MTHFS: variants seen among roughly 807,000 people sequenced by gnomAD.
The protein encoded by MTHFS is methenyltetrahydrofolate synthetase.
MTHFS carries 7 observed loss-of-function variants against 12.7 expected under a neutral mutation model. The ratio of observed to expected loss-of-function variants is 0.55; its 90% confidence interval spans 0.31 to 1.03. The LOEUF (loss-of-function observed/expected upper bound fraction) is 1.03, where lower values mean the gene tolerates loss of function less well. MTHFS is among the 50% of genes least tolerant of loss of function. The pLI is 0.05. For missense variants in MTHFS, 252 were observed against 258.1 expected (o/e 0.98, Z 0.16); for synonymous variants, 100 against 97.1 (o/e 1.03, Z -0.18).
chr15:79,852,450 A>C (rs1417444915), intron 2 of MTHFS, among the ~76,000 whole-genome samples: 1 of 152,234 alleles, frequency 6.6e-6, no homozygotes, highest in Non-Finnish European at 1.5e-5. Flanking sequence ...CTATTATTAT[A>C]GACTGTTAAT....
chr15:79,858,961 T>C (rs986958191), intron 2 of MTHFS, among the ~76,000 whole-genome samples: 1 of 152,214 alleles, frequency 6.6e-6, no homozygotes, highest in African/African-American at 2.4e-5. Flanking sequence ...AAATTTCTAT[T>C]TGTAAGAACA....
At chr15:79,854,050 G>A (rs2033759215) in intron 2 of MTHFS, among the ~76,000 whole-genome samples, 1 of 152,168 alleles carries the variant, frequency 6.6e-6, no homozygotes, top group Non-Finnish European at 1.5e-5. Flanking sequence ...TGGTAGTGTA[G>A]CTCTAGTGAA....
At chr15:79,848,361 G>C (rs897341740) in intron 2 of MTHFS, among the ~76,000 whole-genome samples, 2 of 152,180 alleles carry the variant, frequency 1.3e-5, no homozygotes, top group African/African-American at 4.8e-5. Flanking sequence ...GAGACAGAGA[G>C]TTGCCATTCA....
chr15:79,864,566 A>C (rs2033976737), intron 2 of MTHFS, among the ~76,000 whole-genome samples: 1 of 131,032 alleles, frequency 7.6e-6, no homozygotes, highest in Admixed American at 8.2e-5. Flanking sequence ...AAAAAAAAAA[A>C]AAAAAAAAAA....
intron 1 of MTHFS, 37 bp from the exon 2 acceptor site, chr15:79,889,391 C>A: frequency 6.6e-7 from 1 of 1,520,654 alleles, no homozygotes; most frequent in Non-Finnish European, 8.9e-7. Context: ...TTTTCCAAGA[C>A]TATATTTAGC....
At chr15:79,889,008 C>A in intron 2 of MTHFS, 85 bp downstream of exon 2, 1 of 1,528,276 alleles carries the variant, frequency 6.5e-7, no homozygotes, top group Middle Eastern at 1.8e-4. Flanking sequence ...GGAAAAGCAA[C>A]TCCCACTGAC....
intron 1 of MTHFS, 145 bp downstream of exon 1, chr15:79,896,727 C>A (rs2034579458): frequency 2.1e-6 from 2 of 936,224 alleles, no homozygotes; most frequent in African/African-American, 6.0e-5. Flanking sequence ...CGTGCGCGCG[C>A]CGGGAGGGGA....
intron 1 of MTHFS, among the ~76,000 whole-genome samples, chr15:79,890,905 T>A (rs539139722): frequency 2.6e-5 from 4 of 152,316 alleles, no homozygotes; most frequent in African/African-American, 7.2e-5. Context: ...ATGAGAAAGT[T>A]AAGTATCCTT....
At chr15:79,864,547 CAAAAAAA>C (rs58698908) in intron 2 of MTHFS, among the ~76,000 whole-genome samples, 4 of 64,514 alleles carry the variant, frequency 6.2e-5, no homozygotes, top group African/African-American at 1.5e-4. Context: ...TCCATCTCAA[CAAAAAAA>C]AAAAAAAAAA....
At chr15:79,890,194 GCTCT>G (rs3974971) in intron 1 of MTHFS, among the ~76,000 whole-genome samples, 4 of 143,598 alleles carry the variant, frequency 2.8e-5, no homozygotes, top group South Asian at 4.4e-4. Context: ...TTAGCCCTTC[GCTCT>G]CTTTTTTCCT....
chr15:79,893,203 C>T (rs900520402), intron 1 of MTHFS, among the ~76,000 whole-genome samples: 2 of 144,566 alleles, frequency 1.4e-5, no homozygotes, highest in African/African-American at 5.2e-5. Context: ...AGGAGTTCAA[C>T]ATCAGCCGGG....
At chr15:79,852,308 TAAACA>T (rs1186382891) in intron 2 of MTHFS, among the ~76,000 whole-genome samples, 1 of 152,146 alleles carries the variant, frequency 6.6e-6, no homozygotes, top group Non-Finnish European at 1.5e-5. Context: ...TACAAGGCAA[TAAACA>T]AAACCATTTA....
chr15:79,844,911 C>T lies in MTHFS; in HGVS notation c.*299G>A. 1 of 385,578 alleles carries T rather than the reference C, an allele frequency of 2.6e-6. No homozygotes were observed. The highest frequency in any genetic ancestry group is 4.7e-6 in the Non-Finnish European group (1 of 210,802). 23.9% of individuals were successfully genotyped at this position (385,578 alleles called of 1,614,324 possible). ...TCTCGCACTCAGTCGGAGCACAGTT[C>T]CTCATAAATATTTAACTTAAATTGC... On this transcript the variant is annotated 3_prime_UTR_variant, in exon 3 of 3. Coordinates refer to ENST00000258874, the MANE Select transcript of MTHFS (RefSeq NM_006441.4).
Position 79,889,203 on chromosome 15 carries a change from A to G in MTHFS, c.269T>C (p.Met90Thr), listed in dbSNP as rs1241379288. The change falls in exon 2 of 3, where the codon ATG becomes ACG. Residue 90 changes from methionine to threonine, a missense_variant. Coordinates refer to ENST00000258874, the MANE Select transcript of MTHFS (RefSeq NM_006441.4). ...TGGTGATTCTATTCTCACCATATCC[A>G]TGTGATTGCTCTGGAACCGGTACCG... ...IPRYRFQSNH[M>T]DMVRIESPEE... 6.2e-7 allele frequency: 1 copy of G among 1,614,164 alleles called. No homozygotes were observed. The highest frequency in any genetic ancestry group is 1.1e-5 in the South Asian group (1 of 91,078).
chr15:79,896,797 C>A, intron 1 of MTHFS, 75 bp downstream of exon 1: 1 of 1,531,924 alleles, frequency 6.5e-7, no homozygotes, highest in Non-Finnish European at 8.7e-7. Context: ...GGACCATGCA[C>A]AGATCAGCAA....
rs566629562 is a variant in MTHFS at position 79,845,447 on chromosome 15, G to A, written c.380-5C>T. On this transcript the variant is annotated splice_polypyrimidine_tract_variant and splice_region_variant and intron_variant, in intron 2 of 2. Coordinates refer to ENST00000258874, the MANE Select transcript of MTHFS (RefSeq NM_006441.4). The stretch of plus-strand genomic sequence containing the variant: ...TGAAGATGAGATCAAGTCCCCCTGC[G>A]GAAAAGAGGAACAAATTTAAGAGGA... 52 of 1,609,508 alleles carry A rather than the reference G, an allele frequency of 3.2e-5. No homozygotes were observed. The South Asian group carries it at 3.6e-4, about 11-fold the overall frequency.
Position 79,889,095 on chromosome 15 carries a change from G to A in MTHFS, c.377C>T (p.Thr126Ile), listed in dbSNP as rs1314153447. 3.7e-6 allele frequency: 6 copies of A among 1,613,986 alleles called. No homozygotes were observed. Among genetic ancestry groups the A allele is most frequent in the Admixed American group, 3.3e-5 (2 of 59,994 alleles). The change falls in exon 2 of 3, where the codon ACA becomes ATA. Residue 126 changes from threonine (T) to isoleucine (I), a missense_variant and splice_region_variant. Thr to Ile is a moderately conservative substitution (Grantham distance 89). Coordinates refer to ENST00000258874, the MANE Select transcript of MTHFS (RefSeq NM_006441.4). Reference protein sequence around the residue: ...EGDVREEALSTGGLDLIFMPG... With the variant: ...EGDVREEALSIGGLDLIFMPG... The stretch of plus-strand genomic sequence containing the variant: ...CATCCTAACACCATAATACTCACCT[G>A]TGGACAAGGCCTCCTCCCGAACATC...
At chr15:79,897,237 T>C (rs1285544470), upstream of MTHFS, 5 of 456,764 alleles carry the variant, frequency 1.1e-5, no homozygotes, top group South Asian at 5.1e-5. Context: ...AGGGGAGCGG[T>C]GGCGAGGCGC....
At chr15:79,880,405 A>G (rs2034276523) in intron 2 of MTHFS, among the ~76,000 whole-genome samples, 2 of 152,094 alleles carry the variant, frequency 1.3e-5, no homozygotes, top group East Asian at 3.9e-4. Flanking sequence ...ATGGATAATA[A>G]TCAATACAAT....
Sources: allele counts gnomAD v4.1 joint callset (sites outside exome capture counted in the v4.1 genomes callset), GRCh38; gene constraint gnomAD v4.1.1; transcripts MANE v1.5; gene names NCBI Gene and HGNC (gene_info 2026-07-23, HGNC 2026-07-21).